The following DSCAML1 variants were observed in gnomAD, a reference collection of about 807,000 sequenced individuals.
The protein encoded by DSCAML1 is cell adhesion molecule DSCAML1.
Under a neutral mutation model 200.5 loss-of-function variants are expected in DSCAML1, and 38 were observed. The observed-to-expected ratio is 0.19, with a 90% CI of 0.15 to 0.25. The LOEUF is 0.25. Ranked by LOEUF, DSCAML1 falls within the 10% of genes least tolerant of loss-of-function variation. The pLI, the probability that DSCAML1 is intolerant of heterozygous loss-of-function variation, is 1.00. For synonymous variants in DSCAML1, 1,215 were observed against 1,165.0 expected (o/e 1.04, Z -0.87); for missense variants, 2,223 against 2,858.8 (o/e 0.78, Z 5.07).
chr11:117,599,569 C>T (rs1045443849), intron 3 of DSCAML1, among the ~76,000 whole-genome samples: 6 of 152,154 alleles, frequency 3.9e-5, no homozygotes, highest in East Asian at 1.9e-4. Context: ...TCAGCAGCAC[C>T]GTAGCCCCTC....
chr11:117,490,365 A>G (rs1279427104), intron 11 of DSCAML1, among the ~76,000 whole-genome samples: 1 of 152,072 alleles, frequency 6.6e-6, no homozygotes, highest in Non-Finnish European at 1.5e-5. Flanking sequence ...AAAACACCAC[A>G]AGACAGCTCT....
At chr11:117,741,259 T>C (rs1251406911) in intron 3 of DSCAML1, among the ~76,000 whole-genome samples, 1 of 152,180 alleles carries the variant, frequency 6.6e-6, no homozygotes, top group East Asian at 1.9e-4. Flanking sequence ...GGGATGTGGG[T>C]GGAAGCGACA....
At chr11:117,638,680 C>T (rs921340655) in intron 3 of DSCAML1, among the ~76,000 whole-genome samples, 1 of 152,212 alleles carries the variant, frequency 6.6e-6, no homozygotes, top group Non-Finnish European at 1.5e-5. Context: ...TTTCAAGGCA[C>T]ATCCACGTCA....
intron 3 of DSCAML1, among the ~76,000 whole-genome samples, chr11:117,551,885 A>G (rs1008612821): frequency 3.9e-5 from 6 of 152,200 alleles, no homozygotes; most frequent in Non-Finnish European, 7.3e-5. Context: ...TGATACCAGC[A>G]GAAAATTACA....
intron 31 of DSCAML1, 115 bp downstream of exon 31, chr11:117,431,419 T>C: frequency 1.0e-6 from 1 of 996,770 alleles, no homozygotes. Flanking sequence ...TGAAACTGAC[T>C]TGTGCCTTGG....
chr11:117,643,362 G>C (rs1227014860), intron 3 of DSCAML1, among the ~76,000 whole-genome samples: 1 of 152,134 alleles, frequency 6.6e-6, no homozygotes, highest in African/African-American at 2.4e-5. Context: ...TGGGGAGGAC[G>C]TACTATCCCC....
intron 3 of DSCAML1, among the ~76,000 whole-genome samples, chr11:117,697,814 G>A (rs551386853): frequency 4.7e-5 from 7 of 149,354 alleles, no homozygotes; most frequent in Admixed American, 6.7e-5. Context: ...CTCTGTCGCC[G>A]AGGCTGGAGT....
chr11:117,434,506 A>G (rs1441025549), intron 27 of DSCAML1, among the ~76,000 whole-genome samples: 1 of 151,718 alleles, frequency 6.6e-6, no homozygotes, highest in African/African-American at 2.4e-5. Flanking sequence ...ATCTATCAGA[A>G]TAGTCATCCA....
intron 3 of DSCAML1, among the ~76,000 whole-genome samples, chr11:117,699,782 G>A (rs576698027): frequency 4.0e-4 from 61 of 152,330 alleles, no homozygotes; most frequent in African/African-American, 1.3e-3. Context: ...CTGCACATTT[G>A]ATTGCATCAG....
At chr11:117,774,481 G>A (rs1243818367) in intron 3 of DSCAML1, among the ~76,000 whole-genome samples, 1 of 152,178 alleles carries the variant, frequency 6.6e-6, no homozygotes, top group Admixed American at 6.5e-5. Flanking sequence ...CGAACCCTAT[G>A]AGTCCATTTT....
In DSCAML1 at chr11:117,498,218, C is replaced by T. The variant is rs557521929; in HGVS notation, c.2359+5627G>A. Among the ~76,000 whole-genome samples, 3 of 152,388 alleles carry T rather than the reference C, an allele frequency of 2.0e-5. No homozygotes were observed. The highest frequency in any genetic ancestry group is 3.9e-4 in the East Asian group (2 of 5,186). ...ATCTTGGGCCAGTTGTTTGCCCTCT[C>T]TGGGGCCTCAGTTTGTCACCTGTGC... On this transcript the variant is annotated intron_variant, in intron 11 of 32. Coordinates refer to ENST00000651296, the MANE Select transcript of DSCAML1 (RefSeq NM_020693.4). The surrounding 1 kb of genome is among the most constrained non-coding windows in gnomAD (Gnocchi z 4.0).
In DSCAML1 at chr11:117,516,679, A is replaced by T; in HGVS notation, c.1571T>A (p.Ile524Asn). ...ITAVAGRDTL[I>N]NCRVIGYPYY... is the part of the protein sequence containing the mutation. The stretch of plus-strand genomic sequence containing the variant: ...GGGATAGCCGATGACCCTGCAGTTG[A>T]TAAGGGTGTCCCGCCCGGCGACTGC... The change falls in exon 8 of 33, where the codon ATC (isoleucine) becomes AAC (asparagine). Residue 524 changes from isoleucine (I) to asparagine (N), a missense_variant. By Grantham distance (149) the Ile-to-Asn change is moderately radical. This residue lies in a region of DSCAML1 where 212 missense variants were observed against 368.0 expected (regional missense o/e 0.58). Transcript: ENST00000651296. This position sits in a 1 kb window ranked among gnomAD's most constrained non-coding sequence, Gnocchi z 5.7. 1 of 1,614,040 alleles carries T rather than the reference A, an allele frequency of 6.2e-7. No homozygotes were observed. The highest frequency in any genetic ancestry group is 8.5e-7 in the Non-Finnish European group (1 of 1,180,000).
At chr11:117,773,457 A>G (rs1407319627) in intron 3 of DSCAML1, among the ~76,000 whole-genome samples, 2 of 150,946 alleles carry the variant, frequency 1.3e-5, no homozygotes, top group Non-Finnish European at 2.9e-5. Flanking sequence ...TCCTCCATTA[A>G]CCTTCAGGGC....
intron 8 of DSCAML1, among the ~76,000 whole-genome samples, chr11:117,511,877 C>T (rs777946380): frequency 3.9e-5 from 6 of 152,254 alleles, no homozygotes; most frequent in Admixed American, 6.5e-5. Flanking sequence ...ATTGGCTGCA[C>T]GTGCATGCAA....
At chr11:117,728,932 G>A (rs1942927) in intron 3 of DSCAML1, among the ~76,000 whole-genome samples, 139,214 of 152,232 alleles carry the variant, frequency 0.91, 64,244 homozygotes, top group South Asian at 0.99. Context: ...AAAAAAGTGT[G>A]TAAAGAATTG....
At chr11:117,694,871 C>T (rs1393597478) in intron 3 of DSCAML1, among the ~76,000 whole-genome samples, 3 of 152,184 alleles carry the variant, frequency 2.0e-5, no homozygotes, top group Non-Finnish European at 4.4e-5. Flanking sequence ...GCCCAGGGTG[C>T]AGGTGGGTGG....
At chr11:117,653,977 G>A (rs921099080) in intron 3 of DSCAML1, among the ~76,000 whole-genome samples, 22 of 152,284 alleles carry the variant, frequency 1.4e-4, no homozygotes, top group Non-Finnish European at 2.6e-4. Context: ...AGTGAGCTAC[G>A]ATTATGCCAC....
In DSCAML1 at chr11:117,428,431, AT is replaced by A; in HGVS notation, c.6058del (p.Met2020TrpfsTer11). 1 of 1,537,558 alleles carries A rather than the reference AT, an allele frequency of 6.5e-7. No individual in the cohort carries two copies. Among genetic ancestry groups the A allele is most frequent in the Non-Finnish European group, 8.7e-7 (1 of 1,144,830 alleles). On this transcript the variant is annotated frameshift_variant, in exon 33 of 33. Coordinates refer to ENST00000651296, the MANE Select transcript of DSCAML1 (RefSeq NM_020693.4). LOFTEE classifies it high-confidence loss of function. ...PPRAGGPHTK[M>X]GGSRDSLLEM... ...GAGAAGCGAGTCCCTGGAGCCCCCCATTTTGGTGTGTGGGCCCCCGGCTCGT... is the reference window on the plus strand; with the variant it reads ...GAGAAGCGAGTCCCTGGAGCCCCCCATTTGGTGTGTGGGCCCCCGGCTCGT...
chr11:117,565,722 CCTCAGCA>C (rs2050744544), intron 3 of DSCAML1, among the ~76,000 whole-genome samples: 1 of 152,176 alleles, frequency 6.6e-6, no homozygotes, highest in Admixed American at 6.5e-5. Flanking sequence ...TCCCCCTCTC[CCTCAGCA>C]CTCAGCTGGC....
Sources: gnomAD v4.1 joint callset for allele counts (sites outside exome capture counted in the v4.1 genomes callset) on GRCh38, gnomAD v4.1.1 for gene constraint, gnomAD v4.1.1 regional missense constraint, Gnocchi (gnomAD v3.1) non-coding constraint, MANE v1.5 for transcripts, NCBI Gene and HGNC (gene_info 2026-07-23, HGNC 2026-07-21) for gene names.